FAF1: variants seen among roughly 807,000 people sequenced by gnomAD.
FAF1 encodes Fas associated factor 1, also known as FAS-associated factor 1.
In FAF1, 25 loss-of-function variants were observed where a neutral mutation model predicts 92.5. That is an observed-to-expected ratio of 0.27 (90% CI 0.20 to 0.38). The LOEUF (loss-of-function observed/expected upper bound fraction) is 0.38. Ranked by LOEUF, FAF1 falls within the 10% of genes least tolerant of loss-of-function variation. The pLI is 1.00. For missense variants in FAF1, 636 were observed against 793.3 expected (o/e 0.80, Z 2.38); for synonymous variants, 234 against 273.2 (o/e 0.86, Z 1.42).
intron 1 of FAF1, among the ~76,000 whole-genome samples, chr1:50,922,265 G>A (rs536895399): frequency 5.9e-5 from 9 of 151,678 alleles, no homozygotes; most frequent in African/African-American, 2.2e-4. Context: ...TTCGAGACCA[G>A]CATGACCAAC....
chr1:50,910,211 G>A (rs550349696), intron 1 of FAF1, among the ~76,000 whole-genome samples: 36 of 152,298 alleles, frequency 2.4e-4, no homozygotes, highest in African/African-American at 7.9e-4. Flanking sequence ...ATTGCAGAAC[G>A]GCAAATGTTG....
chr1:50,930,255 T>A (rs1645037717), intron 1 of FAF1, among the ~76,000 whole-genome samples: 1 of 152,188 alleles, frequency 6.6e-6, no homozygotes, highest in Non-Finnish European at 1.5e-5. Context: ...AAGAATGGAT[T>A]CCAAAAGGGC....
intron 8 of FAF1, among the ~76,000 whole-genome samples, chr1:50,618,414 G>GTTTTTTTTTTTTTT (rs540421778): frequency 8.0e-5 from 9 of 111,900 alleles, no homozygotes; most frequent in Non-Finnish European, 1.1e-4. Context: ...AGTTTTTAGA[G>GTTTTTTTTTTTTTT]TTTTTTTTTT....
intron 18 of FAF1, among the ~76,000 whole-genome samples, chr1:50,465,624 AACAG>A (rs1646484798): frequency 6.6e-6 from 1 of 152,176 alleles, no homozygotes; most frequent in Non-Finnish European, 1.5e-5. Context: ...TCAGATAGTG[AACAG>A]TTCAGTGGAG....
intron 4 of FAF1, among the ~76,000 whole-genome samples, chr1:50,768,109 C>A (rs1660645624): frequency 6.6e-6 from 1 of 152,070 alleles, no homozygotes; most frequent in African/African-American, 2.4e-5. Flanking sequence ...AAAAATCTAC[C>A]AAGTCAACAG....
At position 50,840,116 on chromosome 1, in the gene FAF1, T is replaced by A. The variant is rs545889081; in HGVS notation, c.114+17813A>T. ...CATACACAAAAATTACCTCAAAATG[T>A]ATCATATACCTTAACATAAAAGCTA... On this transcript the variant is annotated intron_variant, in intron 2 of 18. Transcript: ENST00000396153. Among the ~76,000 whole-genome samples, 3 of 152,060 alleles carry A rather than the reference T, an allele frequency of 2.0e-5. No individual in the cohort carries two copies. The South Asian group carries it at 6.2e-4, about 32-fold the overall frequency.
intron 2 of FAF1, among the ~76,000 whole-genome samples, chr1:50,848,695 T>C (rs1435562390): frequency 2.6e-5 from 4 of 152,214 alleles, no homozygotes; most frequent in African/African-American, 4.8e-5. Flanking sequence ...CCTGTGATAT[T>C]CTTTCCAAGA....
chr1:50,579,427 G>A (rs887201290), intron 12 of FAF1, among the ~76,000 whole-genome samples: 2 of 152,004 alleles, frequency 1.3e-5, no homozygotes, highest in Non-Finnish European at 2.9e-5. Context: ...GCAGAGAAAT[G>A]CACTATTATC....
At chr1:50,590,936 C>T (rs1005073833) in intron 9 of FAF1, among the ~76,000 whole-genome samples, 4 of 150,892 alleles carry the variant, frequency 2.7e-5, no homozygotes, top group African/African-American at 7.3e-5. Flanking sequence ...GAGCCAAGAT[C>T]GTGCCACTGT....
intron 1 of FAF1, among the ~76,000 whole-genome samples, chr1:50,887,529 A>T (rs559040648): frequency 6.6e-6 from 1 of 152,300 alleles, no homozygotes; most frequent in South Asian, 2.1e-4. Flanking sequence ...TTAAGTCTTT[A>T]ATCCATCTTT....
In FAF1 at chr1:50,490,478, G is replaced by GA. The variant is rs1553218844; in HGVS notation, c.1653+109dup. 487 of 624,392 alleles carry GA rather than the reference G, an allele frequency of 7.8e-4. 18 individuals are homozygous for GA. In the African/African-American group the frequency reaches 7.8e-3, roughly 10 times the overall value. The allele number at this position is 624,392 out of a possible 1,614,324, so 38.7% of individuals were successfully genotyped here. Reference sequence around the variant, plus strand: ...AAGGAAGGAAAAAGAAAGAAGGAAGGAAGGAAGGAAGGAAAGGAAGGAAGG... The same window carrying GA: ...AAGGAAGGAAAAAGAAAGAAGGAAGGAAAGGAAGGAAGGAAAGGAAGGAAGG... On this transcript the variant is annotated intron_variant, in intron 17 of 18. Coordinates refer to ENST00000396153, the MANE Select transcript of FAF1 (RefSeq NM_007051.3).
At chr1:50,772,243 T>C (rs1284431249) in intron 4 of FAF1, among the ~76,000 whole-genome samples, 1 of 152,200 alleles carries the variant, frequency 6.6e-6, no homozygotes. Flanking sequence ...TTATACACTG[T>C]TGGTGGGAAT....
chr1:50,805,907 T>C (rs1032651728), intron 2 of FAF1, among the ~76,000 whole-genome samples: 10 of 152,040 alleles, frequency 6.6e-5, no homozygotes, highest in Admixed American at 6.6e-4. Context: ...CATATATCAA[T>C]TCATTTAACT....
chr1:50,666,853 A>G (rs544130884), intron 7 of FAF1, among the ~76,000 whole-genome samples: 1 of 152,280 alleles, frequency 6.6e-6, no homozygotes, highest in Admixed American at 6.5e-5. Context: ...ACACTGCACT[A>G]CAGTCTGGGT....
At chr1:50,569,040 G>C (rs1044017986) in intron 12 of FAF1, among the ~76,000 whole-genome samples, 6 of 152,132 alleles carry the variant, frequency 3.9e-5, no homozygotes, top group African/African-American at 1.4e-4. Context: ...GAACAAGAAA[G>C]ACTCGGGGTT....
At chr1:50,763,882 A>G (rs1660457239) in intron 4 of FAF1, among the ~76,000 whole-genome samples, 1 of 152,194 alleles carries the variant, frequency 6.6e-6, no homozygotes, top group Admixed American at 6.5e-5. Context: ...CATTTCCCAA[A>G]TTTCAGTGTA....
chr1:50,641,006 G>T (rs1235789722), intron 8 of FAF1, among the ~76,000 whole-genome samples: 1 of 151,554 alleles, frequency 6.6e-6, no homozygotes, highest in African/African-American at 2.4e-5. Flanking sequence ...GCTAATTTTT[G>T]TATTTTTAGT....
intron 13 of FAF1, among the ~76,000 whole-genome samples, chr1:50,562,986 C>T (rs1392225586): frequency 6.6e-6 from 1 of 152,164 alleles, no homozygotes; most frequent in African/African-American, 2.4e-5. Flanking sequence ...AGTATAACAA[C>T]TATTTACATA....
intron 1 of FAF1, among the ~76,000 whole-genome samples, chr1:50,906,886 G>A (rs528020642): frequency 3.5e-4 from 53 of 152,100 alleles, no homozygotes; most frequent in Non-Finnish European, 5.6e-4. Flanking sequence ...TCTCCTGCCT[G>A]GTTGCCCTGG....
Sources: gnomAD v4.1 joint callset for allele counts (sites outside exome capture counted in the v4.1 genomes callset) on GRCh38, gnomAD v4.1.1 for gene constraint, MANE v1.5 for transcripts, NCBI Gene and HGNC (gene_info 2026-07-23, HGNC 2026-07-21) for gene names.